The following STOX2 variants were observed in gnomAD, a reference collection of about 807,000 sequenced individuals.
STOX2 encodes the protein storkhead-box protein 2.
STOX2 carries 28 observed loss-of-function variants against 60.9 expected under a neutral mutation model. The ratio of observed to expected loss-of-function variants is 0.46; its 90% CI spans 0.34 to 0.63. The LOEUF (loss-of-function observed/expected upper bound fraction) is 0.63. STOX2 is among the 30% of genes least tolerant of loss of function. The pLI is 0.01. For synonymous variants in STOX2, 472 were observed against 463.9 expected, an observed-to-expected ratio of 1.02 and a Z score of -0.22; for missense variants, 1,024 against 1,187.7, an observed-to-expected ratio of 0.86 and a Z score of 2.03.
At chr4:183,880,477 A>T (rs1740934554) in intron 1 of STOX2, among the ~76,000 whole-genome samples, 1 of 152,246 alleles carries the variant, frequency 6.6e-6, no homozygotes, top group Admixed American at 6.5e-5. Flanking sequence ...AATTTTGCAG[A>T]ACGATTGATT....
intron 1 of STOX2, among the ~76,000 whole-genome samples, chr4:183,841,997 A>C (rs2111131892): frequency 6.6e-6 from 1 of 152,354 alleles, no homozygotes; most frequent in African/African-American, 2.4e-5. Context: ...TTAAGTAATG[A>C]ATTTCCTCAT....
chr4:183,981,960 G>A (rs997524154), intron 1 of STOX2, among the ~76,000 whole-genome samples: 1 of 152,098 alleles, frequency 6.6e-6, no homozygotes, highest in African/African-American at 2.4e-5. Flanking sequence ...ACAACAAAAC[G>A]CAAAGTGCAT....
intron 1 of STOX2, among the ~76,000 whole-genome samples, chr4:183,852,766 G>A (rs774390163): frequency 3.3e-5 from 5 of 152,154 alleles, no homozygotes; most frequent in Admixed American, 6.5e-5. Context: ...TTAATAAAAC[G>A]AATGGTTTTG....
chr4:183,819,556 T>C (rs1006034798), intron 1 of STOX2, among the ~76,000 whole-genome samples: 8 of 56,146 alleles, frequency 1.4e-4, no homozygotes, highest in Non-Finnish European at 2.0e-4. Context: ...AGAGGGAGAC[T>C]GTGGGGAGAG....
At chr4:183,951,201 C>T (rs867097600) in intron 1 of STOX2, among the ~76,000 whole-genome samples, 16 of 140,650 alleles carry the variant, frequency 1.1e-4, no homozygotes, top group East Asian at 4.2e-4. Context: ...GGCGACAGAG[C>T]GAGACTCCGT....
intron 1 of STOX2, among the ~76,000 whole-genome samples, chr4:183,895,786 C>T (rs898378688): frequency 6.6e-6 from 1 of 152,212 alleles, no homozygotes; most frequent in Non-Finnish European, 1.5e-5. Flanking sequence ...TTCAGTCGTA[C>T]ACCGCCAGGG....
intron 1 of STOX2, among the ~76,000 whole-genome samples, chr4:183,996,471 C>G (rs1306549299): frequency 6.6e-6 from 1 of 152,150 alleles, no homozygotes; most frequent in Non-Finnish European, 1.5e-5. Context: ...TTATCGTGAC[C>G]AACAATATTT....
chr4:183,844,794 G>A (rs1739948108), intron 1 of STOX2, among the ~76,000 whole-genome samples: 1 of 152,184 alleles, frequency 6.6e-6, no homozygotes, highest in East Asian at 1.9e-4. Context: ...TTTTACAAAA[G>A]TGTATTGAGC....
rs1467906576 is a variant in STOX2, at chr4:183,836,141, C to T, written c.364+38086C>T. 6.6e-6 allele frequency among the ~76,000 whole-genome samples: 1 copy of T among 152,098 alleles called. No homozygotes were observed. The highest frequency in any genetic ancestry group is 1.5e-5 in the Non-Finnish European group (1 of 68,026). ...ATGATGTTGAACGTCTTTTCATGTG[C>T]TTTTTGGCTGTTTATCATAGCCTTT... On this transcript the variant is annotated intron_variant, in intron 1 of 2. Transcript: ENST00000513034. The surrounding 1 kb of genome is among the most constrained non-coding windows in gnomAD (Gnocchi z 4.1).
intron 2 of STOX2, among the ~76,000 whole-genome samples, chr4:184,006,685 C>CACA (rs1553987408): frequency 0.013 from 984 of 76,522 alleles, 13 homozygotes; most frequent in Non-Finnish European, 0.018. Context: ...GACCCTGTCT[C>CACA]AAAAAAAAAA....
chr4:183,875,661 G>A (rs1481693554), intron 1 of STOX2, among the ~76,000 whole-genome samples: 1 of 152,258 alleles, frequency 6.6e-6, no homozygotes, highest in East Asian at 1.9e-4. Flanking sequence ...GATGGAAGAG[G>A]AGGGTATACT....
intron 1 of STOX2, among the ~76,000 whole-genome samples, chr4:183,899,078 C>G (rs1487244059): frequency 1.4e-4 from 21 of 152,126 alleles, no homozygotes; most frequent in Non-Finnish European, 3.1e-4. Context: ...TTATGGTCAT[C>G]TGTAATCATT....
At chr4:183,902,478 C>T (rs6815422), upstream of STOX2, among the ~76,000 whole-genome samples, 78,321 of 152,004 alleles carry the variant, frequency 0.52, 22,143 homozygotes, top group Non-Finnish European at 0.63. Flanking sequence ...TTCTAACTTT[C>T]CTAATATTGA....
At chr4:183,998,763 A>G (rs995965515) in intron 1 of STOX2, among the ~76,000 whole-genome samples, 6 of 152,140 alleles carry the variant, frequency 3.9e-5, no homozygotes, top group African/African-American at 1.4e-4. Context: ...GCTGGTCTCA[A>G]ACTCCTGGGC....
At chr4:183,951,228 A>G (rs925451395) in intron 1 of STOX2, among the ~76,000 whole-genome samples, 1 of 150,644 alleles carries the variant, frequency 6.6e-6, no homozygotes, top group Non-Finnish European at 1.5e-5. Flanking sequence ...AAAAAAGAAA[A>G]AAAAAAAAAA....
rs927426467 is a variant in STOX2 at position 183,986,877 on chromosome 4, C to A, written c.167-14448C>A. Among the ~76,000 whole-genome samples the A allele has an allele frequency of 6.6e-5, 10 of 152,116 alleles. No homozygotes were observed. In the East Asian group the frequency reaches 1.9e-3, roughly 29 times the overall value. On this transcript the variant is annotated intron_variant, in intron 1 of 3. Transcript: ENST00000308497. ...CGCTTTCAGGATTTTAGCCGGGAGA[C>A]CCACGTGGGGACCCCTGTAACTCTG...
chr4:183,887,219 G>A (rs981003885), intron 1 of STOX2, among the ~76,000 whole-genome samples: 1 of 152,002 alleles, frequency 6.6e-6, no homozygotes, highest in African/African-American at 2.4e-5. Context: ...AGCCAAGACT[G>A]TGCCATTGCA....
intron 1 of STOX2, among the ~76,000 whole-genome samples, chr4:183,948,480 T>G (rs568318988): frequency 6.4e-4 from 13 of 20,410 alleles, no homozygotes; most frequent in Middle Eastern, 0.013. Context: ...CAGGTGCTCT[T>G]GGGGCTCTTT....
At chr4:183,993,030 A>G (rs746801955) in intron 1 of STOX2, among the ~76,000 whole-genome samples, 61 of 152,304 alleles carry the variant, frequency 4.0e-4, no homozygotes, top group Non-Finnish European at 6.6e-4. Flanking sequence ...AAATGGTCCA[A>G]CAGAAGTGTT....
Sources: allele counts gnomAD v4.1 joint callset (sites outside exome capture counted in the v4.1 genomes callset), GRCh38; gene constraint gnomAD v4.1.1; non-coding constraint Gnocchi (gnomAD v3.1); transcripts MANE v1.5; gene names NCBI Gene and HGNC (gene_info 2026-07-23, HGNC 2026-07-21).